Variants in CPNE5 observed in about 807,000 individuals in gnomAD.
CPNE5 encodes copine-5.
A neutral mutation model predicts 81.1 loss-of-function variants in CPNE5; 42 were observed. The ratio of observed to expected loss-of-function variants is 0.52; its 90% CI spans 0.40 to 0.67. The LOEUF (loss-of-function observed/expected upper bound fraction) is 0.67. Ranked by LOEUF, CPNE5 falls within the 30% of genes least tolerant of loss-of-function variation. The pLI, the probability that CPNE5 is intolerant of heterozygous loss-of-function variation, is 0.00. For synonymous variants in CPNE5, 313 were observed against 321.5 expected (o/e 0.97, Z 0.28); for missense variants, 612 against 815.5 (o/e 0.75, Z 3.04).
At chr6:36,779,496 T>C (rs1767831607) in intron 8 of CPNE5, among the ~76,000 whole-genome samples, 1 of 152,220 alleles carries the variant, frequency 6.6e-6, no homozygotes, top group African/African-American at 2.4e-5. Flanking sequence ...CTCACACCTA[T>C]GTGTGGTTCC....
chr6:36,756,015 G>A (rs1337968721), intron 13 of CPNE5: 6 of 537,300 alleles, frequency 1.1e-5, no homozygotes, highest in East Asian at 6.6e-5. Context: ...ATGTCTCTGC[G>A]ATTCCTCATG....
chr6:36,790,359 G>T (rs1003666676), intron 8 of CPNE5, among the ~76,000 whole-genome samples: 1 of 152,106 alleles, frequency 6.6e-6, no homozygotes, highest in African/African-American at 2.4e-5. Context: ...GTATGGACCA[G>T]GAACCCCGAG....
intron 1 of CPNE5, among the ~76,000 whole-genome samples, chr6:36,829,563 A>C (rs887095188): frequency 1.3e-5 from 2 of 152,030 alleles, no homozygotes; most frequent in Admixed American, 6.6e-5. Flanking sequence ...CTGTAATCCC[A>C]GCACTTTGGG....
Position 36,741,717 on chromosome 6 carries a change from G to A in CPNE5, c.*551C>T, listed in dbSNP as rs62406607. On this transcript the variant is annotated 3_prime_UTR_variant, in exon 21 of 21. Coordinates refer to ENST00000244751, the MANE Select transcript of CPNE5 (RefSeq NM_020939.2). ...ACGGTCCATGATTACAGCACCCCAT[G>A]GGGTCCCCGGGGCTCCCAGCGCATC... 6.5e-6 allele frequency: 1 copy of A among 152,918 alleles called. No individual in the cohort carries two copies. The highest frequency in any genetic ancestry group is 6.5e-5 in the Admixed American group (1 of 15,352). The allele number at this position is 152,918 out of a possible 1,614,324, so 9.5% of individuals were successfully genotyped here.
At chr6:36,822,087 T>C in intron 3 of CPNE5, 27 bp downstream of exon 3, 2 of 1,518,498 alleles carry the variant, frequency 1.3e-6, no homozygotes, top group Non-Finnish European at 1.8e-6. Context: ...GGCTGGTGTT[T>C]CTGGTGTGGG....
At chr6:36,832,118 G>T (rs58281942) in intron 1 of CPNE5, among the ~76,000 whole-genome samples, 3,153 of 152,314 alleles carry the variant, frequency 0.021, 93 homozygotes, top group African/African-American at 0.071. Flanking sequence ...GCAGTCATGG[G>T]TTCAGTCAAG....
chr6:36,786,068 CT>C (rs1768517474), intron 8 of CPNE5, among the ~76,000 whole-genome samples: 1 of 150,498 alleles, frequency 6.6e-6, no homozygotes, highest in African/African-American at 2.4e-5. Flanking sequence ...CATTTATTTT[CT>C]TCTCCTTAAA....
intron 10 of CPNE5, among the ~76,000 whole-genome samples, chr6:36,771,548 A>G (rs62406623): frequency 0.034 from 5,178 of 152,286 alleles, 143 homozygotes; most frequent in Admixed American, 0.079. Flanking sequence ...TGCTATTATC[A>G]TGACCTGTCT....
chr6:36,748,324 G>A, intron 14 of CPNE5, 57 bp from the exon 15 acceptor site: 1 of 1,518,856 alleles, frequency 6.6e-7, no homozygotes, highest in Non-Finnish European at 9.1e-7. Flanking sequence ...CTGTGGGAGG[G>A]GGGACAGTGC....
chr6:36,830,506 G>T (rs907778199), intron 1 of CPNE5, among the ~76,000 whole-genome samples: 9 of 152,180 alleles, frequency 5.9e-5, no homozygotes, highest in Non-Finnish European at 1.2e-4. Flanking sequence ...CGCGTGCTCT[G>T]CTTCCCTGCC....
intron 14 of CPNE5, among the ~76,000 whole-genome samples, chr6:36,748,519 G>A (rs540522046): frequency 1.3e-5 from 2 of 152,294 alleles, no homozygotes; most frequent in South Asian, 4.1e-4. Context: ...TGTTCTGTGT[G>A]GGCATGTGGC....
At chr6:36,761,096 GC>G (rs749839448) in intron 12 of CPNE5, among the ~76,000 whole-genome samples, 3 of 152,182 alleles carry the variant, frequency 2.0e-5, no homozygotes, top group Non-Finnish European at 2.9e-5. Flanking sequence ...CTCCTTCTGG[GC>G]CTGTCAAGCA....
At chr6:36,801,744 C>T (rs537831005) in intron 3 of CPNE5, among the ~76,000 whole-genome samples, 2 of 152,196 alleles carry the variant, frequency 1.3e-5, no homozygotes, top group East Asian at 3.9e-4. Context: ...CAGGAGGTAT[C>T]TAAAGTGGCC....
chr6:36,780,469 G>A (rs1438567403), intron 8 of CPNE5, among the ~76,000 whole-genome samples: 1 of 152,192 alleles, frequency 6.6e-6, no homozygotes, highest in African/African-American at 2.4e-5. Context: ...CCTTAGCTGC[G>A]TGACTTAAGG....
intron 3 of CPNE5, among the ~76,000 whole-genome samples, chr6:36,806,243 A>C (rs938120559): frequency 2.6e-5 from 4 of 152,132 alleles, no homozygotes; most frequent in African/African-American, 7.2e-5. Flanking sequence ...ATCCTACAGG[A>C]GATTGCTTCC....
At chr6:36,833,172 T>G (rs1445347824) in intron 1 of CPNE5, among the ~76,000 whole-genome samples, 1 of 152,212 alleles carries the variant, frequency 6.6e-6, no homozygotes, top group East Asian at 1.9e-4. Flanking sequence ...TCTGAGGGAA[T>G]AGGAGTTGGA....
chr6:36,791,201 T>G (rs916700387), intron 8 of CPNE5, among the ~76,000 whole-genome samples: 2 of 152,170 alleles, frequency 1.3e-5, no homozygotes, highest in African/African-American at 2.4e-5. Context: ...GTGGTGCTTT[T>G]GGGGCTGAGC....
chr6:36,793,250 C>T (rs553933119), intron 7 of CPNE5, among the ~76,000 whole-genome samples: 19 of 152,156 alleles, frequency 1.2e-4, no homozygotes, highest in Non-Finnish European at 2.4e-4. Flanking sequence ...GAAGGGAAGC[C>T]GGCCCTGGAG....
intron 1 of CPNE5, among the ~76,000 whole-genome samples, chr6:36,828,133 T>C (rs1251028616): frequency 5.3e-5 from 8 of 151,672 alleles, no homozygotes; most frequent in Non-Finnish European, 8.8e-5. Flanking sequence ...TGGCAGGTGC[T>C]AAAGGAGGGG....
Sources: gnomAD v4.1 joint callset for allele counts (sites outside exome capture counted in the v4.1 genomes callset) on GRCh38, gnomAD v4.1.1 for gene constraint, MANE v1.5 for transcripts, NCBI Gene and HGNC (gene_info 2026-07-23, HGNC 2026-07-21) for gene names.